Variants in ATP6V0A4 observed in about 807,000 individuals in gnomAD.
The protein encoded by ATP6V0A4 is V-type proton ATPase 116 kDa subunit a 4.
ATP6V0A4 carries 86 observed loss-of-function variants against 107.3 expected under a neutral mutation model. The ratio of observed to expected loss-of-function variants is 0.80; its 90% CI spans 0.67 to 0.96. The LOEUF is 0.96. ATP6V0A4 is among the 40% of genes least tolerant of loss of function. ATP6V0A4 has a pLI of 0.00. For synonymous variants in ATP6V0A4, 353 were observed against 381.4 expected (o/e 0.93, Z 0.87); for missense variants, 908 against 1,045.6 (o/e 0.87, Z 1.81).
intron 3 of ATP6V0A4, among the ~76,000 whole-genome samples, chr7:138,770,567 A>G (rs545662517): frequency 6.6e-6 from 1 of 152,296 alleles, no homozygotes; most frequent in African/African-American, 2.4e-5. Flanking sequence ...CCTTGACCTT[A>G]GTGAAGAAGT....
chr7:138,729,018 T>A, intron 17 of ATP6V0A4, 156 bp from the exon 18 acceptor site: 1 of 903,854 alleles, frequency 1.1e-6, no homozygotes, highest in Non-Finnish European at 1.3e-6. Context: ...GCCTGGAATA[T>A]TCCCCTTGCA....
chr7:138,768,754 G>T lies in ATP6V0A4; in HGVS notation c.291+26C>A, dbSNP rs778158396. ...AGGCTTCATGACTGTCCTTACCTGG[G>T]GAGGCCAGCAAAGTGGAGAACTTAC... is the stretch of plus-strand genomic sequence containing the variant. On this transcript the variant is annotated intron_variant, in intron 5 of 21. Transcript: ENST00000310018. 4.3e-6 allele frequency: 7 copies of T among 1,613,336 alleles called. 1 individual carries two copies. The highest frequency in any genetic ancestry group is 1.7e-4 in the Middle Eastern group (1 of 6,056).
chr7:138,713,087 G>A (rs550580214), intron 20 of ATP6V0A4, among the ~76,000 whole-genome samples: 5 of 151,426 alleles, frequency 3.3e-5, no homozygotes, highest in African/African-American at 9.7e-5. Flanking sequence ...TCAAGAGATC[G>A]AGACCATCCT....
In ATP6V0A4 at chr7:138,708,083, G is replaced by A. The variant is rs559919122; in HGVS notation, c.2430-1366C>T. Among the ~76,000 whole-genome samples, 14 of 148,662 alleles carry A rather than the reference G, an allele frequency of 9.4e-5. No individual in the cohort carries two copies. The East Asian group carries it at 2.4e-3, about 25-fold the overall frequency. ...TTTATTTATTTTGAGACGGAGTCTCGCTCTGTTGCCCAGGCTGGAGTGCAG... is the reference window on the plus strand; with the variant it reads ...TTTATTTATTTTGAGACGGAGTCTCACTCTGTTGCCCAGGCTGGAGTGCAG... On this transcript the variant is annotated intron_variant, in intron 21 of 21. Coordinates refer to ENST00000310018, the MANE Select transcript of ATP6V0A4 (RefSeq NM_020632.3).
chr7:138,708,140 C>T (rs1047086655), intron 21 of ATP6V0A4, among the ~76,000 whole-genome samples: 3 of 151,954 alleles, frequency 2.0e-5, no homozygotes, highest in Non-Finnish European at 4.4e-5. Context: ...CAAGCTCCAC[C>T]TCCCGGGTTC....
chr7:138,797,793 C>G (rs1808755219), intron 1 of ATP6V0A4, among the ~76,000 whole-genome samples: 1 of 152,130 alleles, frequency 6.6e-6, no homozygotes, highest in South Asian at 2.1e-4. Context: ...TGACACAGAT[C>G]TCTCTTGTCC....
chr7:138,752,583 G>A, intron 11 of ATP6V0A4, 42 bp downstream of exon 11: 4 of 1,609,094 alleles, frequency 2.5e-6, no homozygotes, highest in Non-Finnish European at 3.4e-6. Context: ...CCAGCAGAGG[G>A]GCTGACTCAT....
At chr7:138,748,104 C>G (rs426249) in intron 12 of ATP6V0A4, among the ~76,000 whole-genome samples, 76,118 of 151,392 alleles carry the variant, frequency 0.5, 19,817 homozygotes, top group African/African-American at 0.62. Flanking sequence ...CTGAGGCTTA[C>G]AGAAGCTAAG....
At chr7:138,731,772 A>G (rs1466750294) in intron 17 of ATP6V0A4, among the ~76,000 whole-genome samples, 1 of 152,070 alleles carries the variant, frequency 6.6e-6, no homozygotes, top group Non-Finnish European at 1.5e-5. Flanking sequence ...AGGTGCTTGT[A>G]ATCCCAGCTC....
chr7:138,756,308 A>G, intron 9 of ATP6V0A4, 150 bp downstream of exon 9: 1 of 1,345,206 alleles, frequency 7.4e-7, no homozygotes, highest in East Asian at 2.3e-5. Flanking sequence ...CAACTATTAA[A>G]AATCAGTTGG....
At position 138,734,119 on chromosome 7, in the gene ATP6V0A4, T is replaced by G. The variant is rs1805179441; in HGVS notation, c.1691+17A>C. The G allele has an allele frequency of 6.3e-7, 1 of 1,598,582 alleles. No homozygotes were observed. Among genetic ancestry groups the G allele is most frequent in the East Asian group, 2.2e-5 (1 of 44,740 alleles). On this transcript the variant is annotated intron_variant, in intron 16 of 21. Coordinates refer to ENST00000310018, the MANE Select transcript of ATP6V0A4 (RefSeq NM_020632.3). ...GTGATCAGACAGAGCAGGCAGAGAG[T>G]GCATCAAGAAACTTACATGTGATTG...
At chr7:138,731,719 C>T (rs1175406661) in intron 17 of ATP6V0A4, among the ~76,000 whole-genome samples, 1 of 151,762 alleles carries the variant, frequency 6.6e-6, no homozygotes, top group Non-Finnish European at 1.5e-5. Flanking sequence ...ATGGTGAAAC[C>T]CCGTCTCTAC....
chr7:138,755,259 G>A (rs1227800584), intron 10 of ATP6V0A4, among the ~76,000 whole-genome samples: 1 of 152,218 alleles, frequency 6.6e-6, no homozygotes, highest in South Asian at 2.1e-4. Flanking sequence ...TTCACATGGT[G>A]AAACTAGACT....
At chr7:138,718,592 G>C in intron 19 of ATP6V0A4, among the ~76,000 whole-genome samples, 1 of 99,592 alleles carries the variant, frequency 1.0e-5, no homozygotes, top group Non-Finnish European at 2.0e-5. Context: ...GGCGGAATGG[G>C]GAGGAATGGG....
chr7:138,793,149 C>T (rs1004170681), intron 1 of ATP6V0A4, among the ~76,000 whole-genome samples: 57 of 151,980 alleles, frequency 3.8e-4, no homozygotes, highest in Non-Finnish European at 5.9e-5. Context: ...ACAAAAATTA[C>T]CCGGGGGTGG....
At chr7:138,779,620 C>T (rs916676927) in intron 2 of ATP6V0A4, among the ~76,000 whole-genome samples, 5 of 152,164 alleles carry the variant, frequency 3.3e-5, no homozygotes, top group African/African-American at 1.2e-4. Flanking sequence ...CAAATAAAGA[C>T]AATGACAGGG....
chr7:138,782,668 G>T (rs192906985), intron 2 of ATP6V0A4, among the ~76,000 whole-genome samples: 48 of 152,310 alleles, frequency 3.2e-4, no homozygotes, highest in Admixed American at 2.2e-3. Flanking sequence ...ATGAAGGGGA[G>T]GGCTGAGAAA....
chr7:138,724,330 G>A (rs1352789954), intron 18 of ATP6V0A4, among the ~76,000 whole-genome samples: 1 of 152,208 alleles, frequency 6.6e-6, no homozygotes. Flanking sequence ...GGACCAGGGA[G>A]CCCTCTTTTT....
At chr7:138,718,168 A>G (rs1475824482) in intron 19 of ATP6V0A4, among the ~76,000 whole-genome samples, 7 of 87,024 alleles carry the variant, frequency 8.0e-5, no homozygotes, top group South Asian at 7.0e-4. Flanking sequence ...GCAGTCACGG[A>G]TGTCTGTGGA....
Sources: allele counts gnomAD v4.1 joint callset (sites outside exome capture counted in the v4.1 genomes callset), GRCh38; gene constraint gnomAD v4.1.1; transcripts MANE v1.5; gene names NCBI Gene and HGNC (gene_info 2026-07-23, HGNC 2026-07-21).